CREB5: variants seen among roughly 807,000 people sequenced by gnomAD.
The protein encoded by CREB5 is cyclic AMP-responsive element-binding protein 5.
CREB5 carries 19 observed loss-of-function variants against 57.1 expected under a neutral mutation model. The observed-to-expected ratio is 0.33, with a 90% CI of 0.23 to 0.49. The LOEUF (loss-of-function observed/expected upper bound fraction) is 0.49. CREB5 is among the 20% of genes least tolerant of loss of function. The pLI is 0.99. For synonymous variants in CREB5, 238 were observed against 238.3 expected (o/e 1.00, Z 0.01); for missense variants, 579 against 671.6 (o/e 0.86, Z 1.52).
intron 1 of CREB5, among the ~76,000 whole-genome samples, chr7:28,430,983 T>C (rs1230410127): frequency 6.6e-6 from 1 of 152,194 alleles, no homozygotes; most frequent in Non-Finnish European, 1.5e-5. Context: ...TGTATGGCTG[T>C]TGGCTGGCTT....
chr7:28,799,210 T>C (rs1446675004), intron 7 of CREB5, among the ~76,000 whole-genome samples: 1 of 152,222 alleles, frequency 6.6e-6, no homozygotes, highest in Non-Finnish European at 1.5e-5. Context: ...TGACACAGGC[T>C]GCTGCTCAGA....
At chr7:28,530,080 A>T (rs974032243) in intron 4 of CREB5, among the ~76,000 whole-genome samples, 3 of 152,214 alleles carry the variant, frequency 2.0e-5, no homozygotes, top group African/African-American at 7.2e-5. Context: ...CTGGGATTTA[A>T]ACTCAAGACT....
chr7:28,818,584 A>G (rs918637336), intron 10 of CREB5, among the ~76,000 whole-genome samples: 1 of 152,134 alleles, frequency 6.6e-6, no homozygotes, highest in Non-Finnish European at 1.5e-5. Flanking sequence ...CATGTTACTC[A>G]CTGGGCTGAA....
intron 5 of CREB5, among the ~76,000 whole-genome samples, chr7:28,644,512 G>A (rs950297264): frequency 3.9e-5 from 6 of 152,064 alleles, no homozygotes; most frequent in Admixed American, 1.3e-4. Context: ...CGCCCCCAAC[G>A]TTCCACTCCA....
intron 1 of CREB5, among the ~76,000 whole-genome samples, chr7:28,327,968 A>C (rs745613514): frequency 1.3e-5 from 2 of 152,184 alleles, no homozygotes; most frequent in Non-Finnish European, 1.5e-5. Flanking sequence ...CTGCTCTCAT[A>C]ATCCATCAAA....
chr7:28,672,701 G>C (rs1208933942), intron 5 of CREB5, among the ~76,000 whole-genome samples: 1 of 152,096 alleles, frequency 6.6e-6, no homozygotes, highest in Non-Finnish European at 1.5e-5. Flanking sequence ...CTACAATCCA[G>C]AGATACCAGC....
At chr7:28,672,684 A>T (rs901992786) in intron 5 of CREB5, among the ~76,000 whole-genome samples, 2 of 151,850 alleles carry the variant, frequency 1.3e-5, no homozygotes, top group East Asian at 1.9e-4. Flanking sequence ...ACTGGATGAG[A>T]CCTCCCCTAC....
At chr7:28,791,822 A>T (rs1195032559) in intron 7 of CREB5, among the ~76,000 whole-genome samples, 1 of 152,198 alleles carries the variant, frequency 6.6e-6, no homozygotes, top group Non-Finnish European at 1.5e-5. Context: ...TTAGAATGGT[A>T]CTCAGTTGTG....
At chr7:28,737,505 C>CTG (rs1285351690) in intron 7 of CREB5, among the ~76,000 whole-genome samples, 31 of 128,628 alleles carry the variant, frequency 2.4e-4, no homozygotes, top group Middle Eastern at 4.0e-3. Context: ...CTCTCTCTCT[C>CTG]TGTGTGTGTG....
intron 5 of CREB5, among the ~76,000 whole-genome samples, chr7:28,592,147 A>G (rs1444179023): frequency 6.6e-6 from 1 of 152,178 alleles, no homozygotes; most frequent in Non-Finnish European, 1.5e-5. Flanking sequence ...AATCAAACTC[A>G]TGTGGTTTGC....
intron 3 of CREB5, among the ~76,000 whole-genome samples, chr7:28,505,294 A>C (rs1329925736): frequency 6.6e-6 from 1 of 152,186 alleles, no homozygotes; most frequent in African/African-American, 2.4e-5. Context: ...CTTTCTATTC[A>C]GAAAACTCCT....
intron 5 of CREB5, among the ~76,000 whole-genome samples, chr7:28,683,969 A>G (rs1053032511): frequency 6.6e-6 from 1 of 152,148 alleles, no homozygotes; most frequent in African/African-American, 2.4e-5. Flanking sequence ...TAAATAAAAC[A>G]TTTAAATAAG....
chr7:28,670,919 C>T (rs1026622188), intron 5 of CREB5, among the ~76,000 whole-genome samples: 2 of 152,138 alleles, frequency 1.3e-5, no homozygotes, highest in Non-Finnish European at 2.9e-5. Context: ...TGGTCTCGAA[C>T]TCCTGGCCTC....
chr7:28,664,726 T>G (rs1799747357), intron 5 of CREB5, among the ~76,000 whole-genome samples: 1 of 152,106 alleles, frequency 6.6e-6, no homozygotes, highest in Admixed American at 6.6e-5. Flanking sequence ...CATAAAAGAT[T>G]AGGAACAGAA....
chr7:28,548,056 C>A (rs1319942385), intron 4 of CREB5, among the ~76,000 whole-genome samples: 5 of 152,160 alleles, frequency 3.3e-5, no homozygotes, highest in Non-Finnish European at 5.9e-5. Context: ...ACACATTCTT[C>A]ATTTAGTTCT....
intron 5 of CREB5, among the ~76,000 whole-genome samples, chr7:28,619,604 G>A (rs1389717683): frequency 1.3e-5 from 2 of 152,186 alleles, no homozygotes; most frequent in Non-Finnish European, 2.9e-5. Context: ...TCAGAGACTG[G>A]AGGATCACTT....
At chr7:28,657,924 CTTTG>C (rs1472518185) in intron 5 of CREB5, among the ~76,000 whole-genome samples, 4 of 152,052 alleles carry the variant, frequency 2.6e-5, no homozygotes, top group Admixed American at 1.3e-4. Context: ...GTATAAATCT[CTTTG>C]TTTGCACACA....
intron 7 of CREB5, chr7:28,779,370 T>C (rs1454260513): frequency 6.6e-6 from 1 of 152,234 alleles, no homozygotes; most frequent in African/African-American, 2.4e-5. Context: ...TCTTTGGATA[T>C]TTATCAACTG....
At chr7:28,357,651 G>A (rs766795291) in intron 1 of CREB5, among the ~76,000 whole-genome samples, 57 of 151,992 alleles carry the variant, frequency 3.8e-4, no homozygotes, top group Admixed American at 1.0e-3. Flanking sequence ...GCGTGACTTC[G>A]TGTGCATGGA....
Sources: gnomAD v4.1 joint callset for allele counts (sites outside exome capture counted in the v4.1 genomes callset) on GRCh38, gnomAD v4.1.1 for gene constraint, MANE v1.5 for transcripts, NCBI Gene and HGNC (gene_info 2026-07-23, HGNC 2026-07-21) for gene names.